KIF20B: variants seen among roughly 807,000 people sequenced by gnomAD.
KIF20B encodes the protein kinesin-like protein KIF20B.
A neutral mutation model predicts 232.5 loss-of-function variants in KIF20B; 188 were observed. The observed-to-expected ratio is 0.81, with a 90% confidence interval of 0.72 to 0.91. The LOEUF is 0.91. KIF20B is among the 40% of genes least tolerant of loss of function. The probability of loss-of-function intolerance (pLI) is 0.00; values close to 1 mark genes in which losing one functional copy is unlikely to be tolerated. For missense variants in KIF20B, 2,154 were observed against 2,055.9 expected, an observed-to-expected ratio of 1.05 and a Z score of -0.92; for synonymous variants, 712 against 683.0, an observed-to-expected ratio of 1.04 and a Z score of -0.66.
intron 30 of KIF20B, among the ~76,000 whole-genome samples, 167 bp from the exon 31 acceptor site, chr10:89,768,571 A>G (rs1459473589): frequency 6.6e-6 from 1 of 152,032 alleles, no homozygotes; most frequent in African/African-American, 2.4e-5. Flanking sequence ...CTGCCTGTCA[A>G]ACTCTTTTTG....
chr10:89,757,941 A>C (rs1360603154), intron 26 of KIF20B, among the ~76,000 whole-genome samples: 1 of 151,348 alleles, frequency 6.6e-6, no homozygotes, highest in Non-Finnish European at 1.5e-5. Flanking sequence ...TTGACCATGC[A>C]TTTGTAGATC....
chr10:89,761,060 T>C (rs72818774), intron 28 of KIF20B, among the ~76,000 whole-genome samples: 27,288 of 152,198 alleles, frequency 0.18, 2,771 homozygotes, highest in Non-Finnish European at 0.24. Context: ...GTTCTGTGAA[T>C]AACTTTGGAT....
At chr10:89,762,172 A>G (rs1842255170) in intron 28 of KIF20B, among the ~76,000 whole-genome samples, 1 of 152,166 alleles carries the variant, frequency 6.6e-6, no homozygotes, top group Non-Finnish European at 1.5e-5. Context: ...TGAGCCTTAG[A>G]GGACCATAAT....
Position 89,727,882 on chromosome 10 carries a change from G to A in KIF20B, c.2257G>A (p.Glu753Lys), listed in dbSNP as rs764824532. 1 of 1,559,616 alleles carries A rather than the reference G, an allele frequency of 6.4e-7. No individual in the cohort carries two copies. Among genetic ancestry groups the A allele is most frequent in the Non-Finnish European group, 8.8e-7 (1 of 1,141,960 alleles). The change falls in exon 17 of 33, where the codon GAG becomes AAG. Residue 753 changes from glutamate to lysine, a missense_variant. Coordinates refer to ENST00000371728, the MANE Select transcript of KIF20B (RefSeq NM_001284259.2). The part of the protein sequence containing the change: ...NESDSLIQEL[E>K]TSNKKIITQN... ...ATCAGATTCATTGATTCAAGAGCTTGAGACATCTAATAAGGTAATGCTTTA... is the reference window on the plus strand; with the variant it reads ...ATCAGATTCATTGATTCAAGAGCTTAAGACATCTAATAAGGTAATGCTTTA...
In KIF20B at chr10:89,709,924, T is replaced by A. The variant is rs1241025327; in HGVS notation, c.352-3T>A. Reference sequence around the variant, plus strand: ...AAAGAGTTTTTAAAAAATGTTTGCTTAGGTTTTTGGCCCAGCAACTACACA... The same window carrying A: ...AAAGAGTTTTTAAAAAATGTTTGCTAAGGTTTTTGGCCCAGCAACTACACA... On this transcript the variant is annotated splice_region_variant and splice_polypyrimidine_tract_variant and intron_variant, in intron 4 of 32. Coordinates refer to ENST00000371728, the MANE Select transcript of KIF20B (RefSeq NM_001284259.2). The A allele has an allele frequency of 1.0e-5, 16 of 1,566,754 alleles. No individual in the cohort carries two copies. Among genetic ancestry groups the A allele is most frequent in the Non-Finnish European group, 1.3e-5 (15 of 1,162,016 alleles).
chr10:89,769,509 G>GT (rs1390929358), intron 31 of KIF20B, among the ~76,000 whole-genome samples: 79 of 150,358 alleles, frequency 5.3e-4, no homozygotes, highest in Admixed American at 2.0e-4. Flanking sequence ...TCCTCCTAGT[G>GT]TTTTTTTTTC....
chr10:89,705,310 A>C lies in KIF20B; in HGVS notation c.16A>C (p.Asn6His). 2 of 1,613,810 alleles carry C rather than the reference A, an allele frequency of 1.2e-6. No individual in the cohort carries two copies. Among genetic ancestry groups the C allele is most frequent in the East Asian group, 2.2e-5 (1 of 44,850 alleles). The change falls in exon 2 of 33, where the codon AAT becomes CAT. Residue 6 changes from asparagine to histidine, a missense_variant. Asn to His is a moderately conservative substitution (Grantham distance 68, BLOSUM62 1). Transcript: ENST00000371728. The part of the protein sequence containing the change: MESNF[N>H]QEGVPRPSYV... ...TTCTTGCAGAATGGAATCTAATTTTAATCAAGAGGGAGTACCTCGACCATC... is the reference window on the plus strand; with the variant it reads ...TTCTTGCAGAATGGAATCTAATTTTCATCAAGAGGGAGTACCTCGACCATC...
chr10:89,716,413 T>C, intron 8 of KIF20B, 23 bp from the exon 9 acceptor site: 2 of 977,868 alleles, frequency 2.0e-6, no homozygotes, highest in Non-Finnish European at 3.1e-6. Flanking sequence ...TAAATTAATA[T>C]ATATCCTCTT....
intron 19 of KIF20B, among the ~76,000 whole-genome samples, chr10:89,733,703 C>T (rs1372750060): frequency 6.6e-6 from 1 of 152,132 alleles, no homozygotes; most frequent in Admixed American, 6.5e-5. Flanking sequence ...AAAAGAAACT[C>T]AGCAGCTTTT....
intron 8 of KIF20B, among the ~76,000 whole-genome samples, chr10:89,715,981 A>G (rs1240031254): frequency 6.6e-6 from 1 of 151,436 alleles, no homozygotes; most frequent in Non-Finnish European, 1.5e-5. Context: ...ACAGAGTGAA[A>G]CCTTGTCTCC....
At chr10:89,734,131 C>T (rs550175724) in intron 19 of KIF20B, among the ~76,000 whole-genome samples, 3 of 152,014 alleles carry the variant, frequency 2.0e-5, no homozygotes, top group South Asian at 2.1e-4. Flanking sequence ...GGTCATAGGC[C>T]GGGCGTGGTG....
At chr10:89,758,546 T>G (rs1050387377) in intron 26 of KIF20B, among the ~76,000 whole-genome samples, 160 bp from the exon 27 acceptor site, 3 of 152,066 alleles carry the variant, frequency 2.0e-5, no homozygotes, top group South Asian at 2.1e-4. Context: ...TAAAATGATA[T>G]GTGTTGTTTT....
At chr10:89,704,688 TG>T (rs1564655491) in intron 1 of KIF20B, among the ~76,000 whole-genome samples, 1 of 152,160 alleles carries the variant, frequency 6.6e-6, no homozygotes, top group African/African-American at 2.4e-5. Context: ...CCCGAGTAGC[TG>T]GGATTACAGG....
chr10:89,713,279 TGAACCC>T (rs1842869475), intron 6 of KIF20B, among the ~76,000 whole-genome samples: 1 of 150,726 alleles, frequency 6.6e-6, no homozygotes, highest in African/African-American at 2.4e-5. Context: ...AAGAATTGCT[TGAACCC>T]GGGAGGTGGA....
At chr10:89,717,130 ATAT>A (rs1474673880) in intron 9 of KIF20B, among the ~76,000 whole-genome samples, 1 of 152,190 alleles carries the variant, frequency 6.6e-6, no homozygotes, top group Non-Finnish European at 1.5e-5. Context: ...ATTTTAACTA[ATAT>A]TATCTTTTCA....
chr10:89,723,287 C>A (rs1355778799), intron 13 of KIF20B, among the ~76,000 whole-genome samples: 2 of 152,086 alleles, frequency 1.3e-5, no homozygotes, highest in African/African-American at 4.8e-5. Flanking sequence ...GTAGCTGTTT[C>A]CTTAATGCTA....
At chr10:89,705,167 A>G (rs1842695577) in intron 1 of KIF20B, 127 bp from the exon 2 acceptor site, 2 of 726,296 alleles carry the variant, frequency 2.8e-6, no homozygotes, top group South Asian at 1.7e-5. Flanking sequence ...AAATGAAGCA[A>G]TGTAATGCGT....
At chr10:89,767,964 A>G (rs1278666600) in intron 29 of KIF20B, among the ~76,000 whole-genome samples, 4 of 152,010 alleles carry the variant, frequency 2.6e-5, no homozygotes, top group African/African-American at 9.7e-5. Flanking sequence ...TCACACCTTC[A>G]GTCAGGGTTT....
intron 26 of KIF20B, among the ~76,000 whole-genome samples, chr10:89,754,949 A>G (rs1200372351): frequency 3.3e-5 from 5 of 152,214 alleles, no homozygotes; most frequent in African/African-American, 1.2e-4. Flanking sequence ...TGACCGTTAC[A>G]GAGTATTCCC....
Sources: allele counts gnomAD v4.1 joint callset (sites outside exome capture counted in the v4.1 genomes callset), GRCh38; gene constraint gnomAD v4.1.1; transcripts MANE v1.5; gene names NCBI Gene and HGNC (gene_info 2026-07-23, HGNC 2026-07-21).